The following NRG1 variants were observed in gnomAD, a reference collection of about 807,000 sequenced individuals.
NRG1 encodes the protein pro-neuregulin-1, membrane-bound isoform.
NRG1 carries 18 observed loss-of-function variants against 63.8 expected under a neutral mutation model. The observed-to-expected ratio is 0.28, with a 90% CI of 0.19 to 0.42. NRG1 has a LOEUF of 0.42. Among genes scored for constraint, NRG1 ranks in the 10% least tolerant of loss-of-function variants. The pLI, the probability that NRG1 is intolerant of heterozygous loss-of-function variation, is 1.00. For synonymous variants in NRG1, 302 were observed against 301.3 expected (o/e 1.00, Z -0.02); for missense variants, 762 against 814.7 (o/e 0.94, Z 0.79).
At chr8:32,258,837 C>A (rs892529732) in intron 1 of NRG1, among the ~76,000 whole-genome samples, 3 of 152,128 alleles carry the variant, frequency 2.0e-5, no homozygotes, top group African/African-American at 7.2e-5. Flanking sequence ...ATATCAGGTA[C>A]AAACAAATAG....
At chr8:32,200,573 G>T (rs1843402458) in intron 1 of NRG1, among the ~76,000 whole-genome samples, 1 of 152,060 alleles carries the variant, frequency 6.6e-6, no homozygotes, top group Non-Finnish European at 1.5e-5. Context: ...TTGTATTTGA[G>T]AACAAGGCAT....
intron 1 of NRG1, among the ~76,000 whole-genome samples, chr8:32,230,502 G>A (rs182673969): frequency 2.0e-5 from 3 of 152,120 alleles, no homozygotes; most frequent in Admixed American, 6.6e-5. Context: ...TGGAGAGTAG[G>A]AAACTCAGGG....
chr8:32,678,192 G>A (rs987946455), intron 5 of NRG1, among the ~76,000 whole-genome samples: 3 of 152,100 alleles, frequency 2.0e-5, no homozygotes, highest in African/African-American at 7.2e-5. Context: ...GTCAAGTAGA[G>A]TATAAATTCA....
intron 1 of NRG1, among the ~76,000 whole-genome samples, chr8:32,088,536 T>TC (rs1828626187): frequency 1.3e-5 from 2 of 151,642 alleles, no homozygotes; most frequent in Admixed American, 1.3e-4. Flanking sequence ...TTTTTTTTTT[T>TC]GAGACAAAGT....
At chr8:32,089,785 CAT>C (rs1412723930) in intron 1 of NRG1, among the ~76,000 whole-genome samples, 5 of 151,966 alleles carry the variant, frequency 3.3e-5, no homozygotes, top group Admixed American at 6.5e-5. Flanking sequence ...GGTGAGGACA[CAT>C]ATAGGTGGGA....
At chr8:32,446,637 A>T in intron 1 of NRG1, among the ~76,000 whole-genome samples, 1 of 144,900 alleles carries the variant, frequency 6.9e-6, no homozygotes, top group Admixed American at 7.5e-5. Context: ...CCTGGGCAAC[A>T]GAGTGAGACT....
intron 1 of NRG1, among the ~76,000 whole-genome samples, chr8:32,191,088 A>ATT (rs113888865): frequency 0.056 from 8,125 of 146,102 alleles, 365 homozygotes; most frequent in East Asian, 0.26. Context: ...CAGTTATTAG[A>ATT]TTTTTTTTTT....
intron 1 of NRG1, among the ~76,000 whole-genome samples, chr8:31,895,630 C>CT (rs1228198657): frequency 2.0e-5 from 3 of 152,150 alleles, no homozygotes; most frequent in African/African-American, 7.2e-5. Context: ...AATTTTGTCC[C>CT]TAGTTCTGCC....
intron 2 of NRG1, among the ~76,000 whole-genome samples, chr8:32,603,185 T>C (rs1214273749): frequency 6.6e-6 from 1 of 152,202 alleles, no homozygotes; most frequent in Non-Finnish European, 1.5e-5. Context: ...CCACTTTTTG[T>C]CAACTTTGTT....
intron 1 of NRG1, among the ~76,000 whole-genome samples, chr8:32,496,596 A>AAAT (rs1827226747): frequency 1.3e-5 from 2 of 151,778 alleles, no homozygotes; most frequent in African/African-American, 4.8e-5. Flanking sequence ...TCTCAAAATA[A>AAAT]AATAAAATAA....
intron 1 of NRG1, among the ~76,000 whole-genome samples, chr8:31,972,124 T>G (rs758070958): frequency 5.3e-5 from 8 of 152,172 alleles, no homozygotes; most frequent in Non-Finnish European, 1.0e-4. Flanking sequence ...TGCCACACTA[T>G]GCCAGTGCCA....
At chr8:32,739,474 T>G (rs1426237580) in intron 6 of NRG1, among the ~76,000 whole-genome samples, 1 of 152,182 alleles carries the variant, frequency 6.6e-6, no homozygotes, top group African/African-American at 2.4e-5. Context: ...TTCCAAAAAA[T>G]GACTTTCATA....
At chr8:32,725,464 ATTTTTTTTTTTTT>A (rs71209904) in intron 5 of NRG1, among the ~76,000 whole-genome samples, 47 of 67,584 alleles carry the variant, frequency 7.0e-4, no homozygotes, top group South Asian at 4.0e-3. Flanking sequence ...AAACTTCCTA[ATTTTTTTTTTTTT>A]TTTTTTTTTT....
chr8:31,782,302 A>T (rs1055205796), intron 1 of NRG1, among the ~76,000 whole-genome samples: 3 of 152,036 alleles, frequency 2.0e-5, no homozygotes, highest in Admixed American at 1.3e-4. Context: ...TACTTCCTTC[A>T]GATTTTCGCT....
intron 6 of NRG1, 145 bp from the exon 7 acceptor site, chr8:32,741,863 A>C: frequency 1.7e-6 from 1 of 587,460 alleles, no homozygotes; most frequent in East Asian, 2.8e-5. Context: ...ATGGTTTTCT[A>C]AATGTTGTGT....
intron 1 of NRG1, among the ~76,000 whole-genome samples, chr8:31,647,719 C>G (rs1004940888): frequency 1.3e-5 from 2 of 152,330 alleles, no homozygotes; most frequent in East Asian, 3.9e-4. Context: ...AGGCATGCTG[C>G]TGCTTTGCAA....
chr8:32,185,397 T>G (rs998928791), intron 1 of NRG1, among the ~76,000 whole-genome samples: 2 of 152,220 alleles, frequency 1.3e-5, no homozygotes, highest in African/African-American at 2.4e-5. Flanking sequence ...ATCTTGAATA[T>G]GACTTAAGAA....
intron 1 of NRG1, among the ~76,000 whole-genome samples, chr8:31,870,941 C>T (rs1211357322): frequency 3.3e-5 from 5 of 151,700 alleles, no homozygotes; most frequent in South Asian, 2.1e-4. Flanking sequence ...GAAAGGAGTA[C>T]GTGTTAGTAG....
intron 5 of NRG1, among the ~76,000 whole-genome samples, chr8:32,714,676 A>AG (rs1343571950): frequency 6.6e-6 from 1 of 152,236 alleles, no homozygotes; most frequent in Non-Finnish European, 1.5e-5. Context: ...TCTACAAAAA[A>AG]CTAAAGAATA....
Sources: gnomAD v4.1 joint callset for allele counts (sites outside exome capture counted in the v4.1 genomes callset) on GRCh38, gnomAD v4.1.1 for gene constraint, MANE v1.5 for transcripts, NCBI Gene and HGNC (gene_info 2026-07-23, HGNC 2026-07-21) for gene names.